The following SPIRE2 variants were observed in gnomAD, a reference collection of about 807,000 sequenced individuals.
SPIRE2 encodes the protein protein spire homolog 2.
In SPIRE2, 76 loss-of-function variants were observed where a neutral mutation model predicts 80.7. That is an observed-to-expected ratio of 0.94 (90% CI 0.78 to 1.14). The LOEUF (loss-of-function observed/expected upper bound fraction) is 1.14, where lower values mean the gene tolerates loss of function less well. Ranked by LOEUF, SPIRE2 falls within the 50% of genes most tolerant of loss-of-function variation. The pLI, the probability that SPIRE2 is intolerant of heterozygous loss-of-function variation, is 0.00. For missense variants in SPIRE2, 1,196 were observed against 1,015.3 expected, an observed-to-expected ratio of 1.18 and a Z score of -2.42; for synonymous variants, 535 against 432.6, an observed-to-expected ratio of 1.24 and a Z score of -2.94.
intron 1 of SPIRE2, among the ~76,000 whole-genome samples, chr16:89,833,732 C>T (rs893261518): frequency 2.0e-5 from 3 of 152,222 alleles, no homozygotes; most frequent in African/African-American, 4.8e-5. Flanking sequence ...CCTGTGCACT[C>T]GCTGGACCTG....
At chr16:89,838,232 G>A (rs1009002484) in intron 1 of SPIRE2, among the ~76,000 whole-genome samples, 1 of 148,488 alleles carries the variant, frequency 6.7e-6, no homozygotes, top group African/African-American at 2.5e-5. Flanking sequence ...GCCCAGGCTG[G>A]AGTGTAGTGG....
At chr16:89,869,053 A>AAAAAATATATATAT in intron 13 of SPIRE2, among the ~76,000 whole-genome samples, 1 of 24,030 alleles carries the variant, frequency 4.2e-5, no homozygotes, top group African/African-American at 1.6e-4. Context: ...AAAAAAAAAA[A>AAAAAATATATATAT]ATATATATAT....
intron 1 of SPIRE2, among the ~76,000 whole-genome samples, chr16:89,840,566 T>C (rs990670330): frequency 1.3e-5 from 2 of 151,196 alleles, no homozygotes; most frequent in African/African-American, 4.9e-5. Flanking sequence ...TTCAAAGTTA[T>C]ATTTTAATGT....
chr16:89,864,396 C>T (rs2143827112), intron 12 of SPIRE2, among the ~76,000 whole-genome samples: 1 of 152,322 alleles, frequency 6.6e-6, no homozygotes, highest in South Asian at 2.1e-4. Context: ...GAACATTTAT[C>T]CTAAAGCAGA....
chr16:89,838,663 C>G (rs1455365611), intron 1 of SPIRE2, among the ~76,000 whole-genome samples: 1 of 152,212 alleles, frequency 6.6e-6, no homozygotes, highest in Non-Finnish European at 1.5e-5. Context: ...CGGGCTTACT[C>G]ACTCTCACAC....
At chr16:89,836,377 C>G in intron 1 of SPIRE2, 1 of 390,888 alleles carries the variant, frequency 2.6e-6, no homozygotes, top group South Asian at 1.8e-5. Flanking sequence ...GACCGGGGGC[C>G]GAGAATCTGA....
chr16:89,833,596 G>A (rs567264895), intron 1 of SPIRE2, among the ~76,000 whole-genome samples: 8 of 152,232 alleles, frequency 5.3e-5, no homozygotes, highest in East Asian at 1.9e-4. Flanking sequence ...GAGAAGCTTC[G>A]CCTTTGTGCC....
chr16:89,829,681 TTGTTC>T, intron 1 of SPIRE2, among the ~76,000 whole-genome samples: 1 of 139,168 alleles, frequency 7.2e-6, no homozygotes, highest in Non-Finnish European at 1.7e-5. Flanking sequence ...CCAAGGGCCC[TTGTTC>T]CTTCACCAGG....
rs758976881 is a variant in SPIRE2 at position 89,850,443 on chromosome 16, G to A, written c.428G>A (p.Gly143Asp). 1 of 1,569,276 alleles carries A rather than the reference G, an allele frequency of 6.4e-7. No individual in the cohort carries two copies. The highest frequency in any genetic ancestry group is 1.2e-5 in the South Asian group (1 of 84,418). Residue 143 changes from glycine to aspartate, a missense_variant, in exon 3 of 15, where the codon GGT (glycine) becomes GAT (aspartate). Coordinates refer to ENST00000378247, the MANE Select transcript of SPIRE2 (RefSeq NM_032451.2). The part of the protein sequence containing the change: ...ANNDSEDSGC[G>D]AADEGYGGPE... Reference sequence around the variant, plus strand: ...AACGACAGCGAGGACAGCGGCTGCGGTGCCGCCGATGAGGGCTACGGGGGT... The same window carrying A: ...AACGACAGCGAGGACAGCGGCTGCGATGCCGCCGATGAGGGCTACGGGGGT...
chr16:89,868,439 C>T (rs1484951535), intron 13 of SPIRE2, among the ~76,000 whole-genome samples: 1 of 152,214 alleles, frequency 6.6e-6, no homozygotes, highest in African/African-American at 2.4e-5. Context: ...CCAAAAAACC[C>T]TTCACTTCCC....
rs898933281 is a variant in SPIRE2, at chr16:89,828,864, G to T, written c.244+70G>T. 49 of 1,132,178 alleles carry T rather than the reference G, an allele frequency of 4.3e-5. No homozygotes were observed. In the African/African-American group the frequency reaches 6.0e-4, roughly 14 times the overall value. The allele number at this position is 1,132,178 out of a possible 1,614,324, so 70.1% of individuals were successfully genotyped here. ...CGTCCGTCCCGCCCCCTGGGTGGGG[G>T]TGGTCCCGGCGGAGAGGCTGCGACC... On this transcript the variant is annotated intron_variant, in intron 1 of 14. Coordinates refer to ENST00000378247, the MANE Select transcript of SPIRE2 (RefSeq NM_032451.2). The surrounding 1 kb of genome is among the most constrained non-coding windows in gnomAD (Gnocchi z 5.9).
In SPIRE2 at chr16:89,870,099, A is replaced by G. The variant is rs199555097; in HGVS notation, c.1972A>G (p.Ile658Val). Residue 658 changes from isoleucine (I) to valine (V), a missense_variant, in exon 15 of 15, where the codon ATC becomes GTC. Coordinates refer to ENST00000378247, the MANE Select transcript of SPIRE2 (RefSeq NM_032451.2). ...GAGCGTGGAGGAGGCGTTCCCCCAC[A>G]TCTACTCCCACGGCTGTGTCCTGAA... ...WQSVEEAFPH[I>V]YSHGCVLKDV... 12 of 1,613,638 alleles carry G rather than the reference A, an allele frequency of 7.4e-6. No individual in the cohort carries two copies. The highest frequency in any genetic ancestry group is 2.2e-5 in the East Asian group (1 of 44,868).
At chr16:89,834,234 G>A (rs145919101) in intron 1 of SPIRE2, among the ~76,000 whole-genome samples, 19 of 129,676 alleles carry the variant, frequency 1.5e-4, no homozygotes, top group African/African-American at 4.4e-4. Flanking sequence ...ACGGTTGGCC[G>A]TCGTAGAAGC....
chr16:89,856,014 G>A (rs2041687049), intron 6 of SPIRE2, 99 bp from the exon 7 acceptor site: 2 of 1,534,678 alleles, frequency 1.3e-6, no homozygotes, highest in African/African-American at 1.4e-5. Flanking sequence ...CCCGTGTCAT[G>A]GTCACTTCCC....
At chr16:89,852,931 C>G (rs1244270359) in intron 3 of SPIRE2, among the ~76,000 whole-genome samples, 1 of 65,892 alleles carries the variant, frequency 1.5e-5, no homozygotes, top group East Asian at 2.6e-3. Context: ...CCTCTCACCC[C>G]CCGCATCCCA....
intron 1 of SPIRE2, among the ~76,000 whole-genome samples, chr16:89,837,671 G>GCCTCCCGGACTCGGGTCTCCGCACGCA (rs533723452): frequency 2.6e-5 from 4 of 152,240 alleles, no homozygotes; most frequent in African/African-American, 4.8e-5. Flanking sequence ...GCCAACACAC[G>GCCTCCCGGACTCGGGTCTCCGCACGCA]CCTCCCGGAC....
In SPIRE2 at chr16:89,828,703, G is replaced by A; in HGVS notation, c.153G>A (p.Leu51=). The A allele has an allele frequency of 7.8e-7, 1 of 1,284,192 alleles. No individual in the cohort carries two copies. The highest frequency in any genetic ancestry group is 9.9e-7 in the Non-Finnish European group (1 of 1,012,426). The allele number at this position is 1,284,192 out of a possible 1,614,324, so 79.5% of individuals were successfully genotyped here. A position where few individuals can be genotyped will look rare whatever the true frequency, so the allele number is the denominator to read the frequency against. The change falls in exon 1 of 15, where the codon CTG becomes CTA. Residue 51 remains leucine, a synonymous_variant. Coordinates refer to ENST00000378247, the MANE Select transcript of SPIRE2 (RefSeq NM_032451.2). This position sits in a 1 kb window ranked among gnomAD's most constrained non-coding sequence, Gnocchi z 5.9. The part of the protein sequence containing the change: ...WAVCFQGCRG[L]RGSPGRRLRD... ...TGTGCTTCCAGGGCTGCCGCGGGCT[G>A]CGGGGCTCGCCGGGCCGGCGCCTGC... is the stretch of plus-strand genomic sequence containing the variant.
At chr16:89,831,951 A>G (rs576252412) in intron 1 of SPIRE2, among the ~76,000 whole-genome samples, 9 of 139,298 alleles carry the variant, frequency 6.5e-5, no homozygotes, top group African/African-American at 1.7e-4. Context: ...AAACATCCAT[A>G]GTGATCTAGG....
chr16:89,849,549 T>C (rs547193013), intron 2 of SPIRE2, among the ~76,000 whole-genome samples: 8 of 152,040 alleles, frequency 5.3e-5, no homozygotes, highest in African/African-American at 1.2e-4. Flanking sequence ...CAGCTGAGAG[T>C]GTCCGTGTAA....
Sources: gnomAD v4.1 joint callset for allele counts (sites outside exome capture counted in the v4.1 genomes callset) on GRCh38, gnomAD v4.1.1 for gene constraint, Gnocchi (gnomAD v3.1) non-coding constraint, MANE v1.5 for transcripts, NCBI Gene and HGNC (gene_info 2026-07-23, HGNC 2026-07-21) for gene names.